CCAR1: variants seen among roughly 807,000 people sequenced by gnomAD.
CCAR1 encodes cell division cycle and apoptosis regulator protein 1.
A neutral mutation model predicts 163.8 loss-of-function variants in CCAR1; 78 were observed. The observed-to-expected ratio is 0.48, with a 90% CI of 0.40 to 0.57. The LOEUF (loss-of-function observed/expected upper bound fraction) is 0.57. Among genes scored for constraint, CCAR1 ranks in the 20% least tolerant of loss-of-function variants. The probability of loss-of-function intolerance (pLI) is 0.00; values close to 1 mark genes in which losing one functional copy is unlikely to be tolerated. For synonymous variants in CCAR1, 443 were observed against 460.7 expected (o/e 0.96, Z 0.49); for missense variants, 1,019 against 1,365.2 (o/e 0.75, Z 4.00).
chr10:68,727,633 G>A (rs890836879), intron 2 of CCAR1, among the ~76,000 whole-genome samples: 4 of 151,724 alleles, frequency 2.6e-5, no homozygotes, highest in Admixed American at 2.0e-4. Context: ...AATATTTACC[G>A]TATTTTTCCA....
At chr10:68,763,694 C>T (rs970679912) in intron 16 of CCAR1, among the ~76,000 whole-genome samples, 5 of 152,172 alleles carry the variant, frequency 3.3e-5, no homozygotes. Flanking sequence ...GTGATCTACC[C>T]ACCTTGGCCT....
chr10:68,773,746 G>A (rs1324463460), intron 19 of CCAR1, among the ~76,000 whole-genome samples: 2 of 152,022 alleles, frequency 1.3e-5, no homozygotes, highest in Non-Finnish European at 2.9e-5. Flanking sequence ...GGTTCTCACT[G>A]TATTACCCAG....
intron 19 of CCAR1, among the ~76,000 whole-genome samples, chr10:68,782,193 C>G (rs1175722532): frequency 1.3e-5 from 2 of 152,142 alleles, no homozygotes; most frequent in African/African-American, 4.8e-5. Flanking sequence ...CTCTTCAATT[C>G]TATAAAGGCT....
chr10:68,774,165 T>C (rs990832963), intron 19 of CCAR1, among the ~76,000 whole-genome samples: 4 of 152,006 alleles, frequency 2.6e-5, no homozygotes, highest in African/African-American at 9.6e-5. Context: ...GTGCTGGGAT[T>C]ACAGGCCTGA....
chr10:68,741,173 C>G (rs1436564392), intron 5 of CCAR1, among the ~76,000 whole-genome samples: 1 of 152,186 alleles, frequency 6.6e-6, no homozygotes, highest in South Asian at 2.1e-4. Context: ...CTGCCTTGGC[C>G]TCCCAAAGTG....
At chr10:68,774,752 A>G (rs943932013) in intron 19 of CCAR1, among the ~76,000 whole-genome samples, 2 of 152,210 alleles carry the variant, frequency 1.3e-5, no homozygotes, top group South Asian at 2.1e-4. Context: ...CCTAAGTTTT[A>G]TAAGACAGAC....
At chr10:68,782,392 C>T (rs1427575000) in intron 19 of CCAR1, among the ~76,000 whole-genome samples, 3 of 151,400 alleles carry the variant, frequency 2.0e-5, no homozygotes, top group Non-Finnish European at 4.4e-5. Flanking sequence ...GCCTGGTTAA[C>T]AGAGCAAGAC....
chr10:68,739,124 G>T (rs1487802057), intron 4 of CCAR1, among the ~76,000 whole-genome samples: 1 of 152,158 alleles, frequency 6.6e-6, no homozygotes, highest in African/African-American at 2.4e-5. Flanking sequence ...ATATGCTTTA[G>T]TCTAAGCATG....
chr10:68,734,260 G>C (rs2056079077), intron 2 of CCAR1, among the ~76,000 whole-genome samples: 1 of 152,000 alleles, frequency 6.6e-6, no homozygotes, highest in Admixed American at 6.6e-5. Flanking sequence ...TTATAAGGCA[G>C]CATTTTTTTT....
chr10:68,737,977 G>C, intron 4 of CCAR1, 88 bp downstream of exon 4: 1 of 883,204 alleles, frequency 1.1e-6, no homozygotes, highest in South Asian at 1.6e-5. Flanking sequence ...ATTTCTATCA[G>C]CTACCTTAAC....
Position 68,786,475 on chromosome 10 carries a change from C to T in CCAR1, c.2734-71C>T, listed in dbSNP as rs554056145. On this transcript the variant is annotated intron_variant, in intron 20 of 24. Transcript: ENST00000265872. ...TTATTGCTATCTTATGCACAGTCTC[C>T]GTTTCTCACTTTTTGGGGGTAAAAA... The T allele has an allele frequency of 1.5e-3, 1,639 of 1,064,712 alleles. 24 individuals carry two copies. In the South Asian group the frequency reaches 0.017, roughly 11 times the overall value. 66.0% of individuals were successfully genotyped at this position (1,064,712 alleles called of 1,614,324 possible).
intron 19 of CCAR1, among the ~76,000 whole-genome samples, chr10:68,773,304 T>C (rs915055125): frequency 1.1e-4 from 17 of 152,296 alleles, no homozygotes; most frequent in African/African-American, 4.1e-4. Flanking sequence ...CTATGTCTCA[T>C]ATATAATTAA....
intron 2 of CCAR1, among the ~76,000 whole-genome samples, chr10:68,725,583 A>G (rs2055931888): frequency 6.6e-6 from 1 of 152,088 alleles, no homozygotes; most frequent in Admixed American, 6.6e-5. Flanking sequence ...ACTTGAATGA[A>G]ACCAGTTGTG....
In CCAR1 at chr10:68,769,991, T is replaced by C. The variant is rs1399653266; in HGVS notation, c.2299-1215T>C. On this transcript the variant is annotated intron_variant, in intron 17 of 24. Coordinates refer to ENST00000265872, the MANE Select transcript of CCAR1 (RefSeq NM_018237.4). ...TATAGTTTTAGGTTTATGCGTATGC[T>C]ATAGCCCATTATCTGTGGATGCTTG... Among the ~76,000 whole-genome samples, 9 of 151,856 alleles carry C rather than the reference T, an allele frequency of 5.9e-5. No homozygotes were observed. In the East Asian group the frequency reaches 1.7e-3, roughly 29 times the overall value.
intron 6 of CCAR1, among the ~76,000 whole-genome samples, chr10:68,746,868 A>G (rs990985391): frequency 1.3e-5 from 2 of 152,034 alleles, no homozygotes; most frequent in Non-Finnish European, 2.9e-5. Context: ...ATGAACCACC[A>G]CACCCAGCCC....
At chr10:68,727,181 C>T (rs967968015) in intron 2 of CCAR1, among the ~76,000 whole-genome samples, 1 of 149,550 alleles carries the variant, frequency 6.7e-6, no homozygotes, top group African/African-American at 2.5e-5. Context: ...GATTCTTGTG[C>T]CTCAGCCTTT....
At chr10:68,787,816 C>G (rs1173282037) in intron 21 of CCAR1, 111 bp from the exon 22 acceptor site, 3 of 1,071,114 alleles carry the variant, frequency 2.8e-6, no homozygotes, top group Non-Finnish European at 4.0e-6. Context: ...GTTTGGGCGA[C>G]AAGAGCAAGA....
Position 68,791,204 on chromosome 10 carries a change from T to C in CCAR1, c.3394-3T>C, listed in dbSNP as rs374900889. 19 of 1,550,008 alleles carry C rather than the reference T, an allele frequency of 1.2e-5. No individual in the cohort carries two copies. The highest frequency in any genetic ancestry group is 6.9e-5 in the South Asian group (6 of 87,556). The stretch of plus-strand genomic sequence containing the variant: ...TATTTTTTCCTTCTCTATTGTCTTA[T>C]AGGATAATGTAAAGAATGAAGACAA... On this transcript the variant is annotated splice_polypyrimidine_tract_variant and splice_region_variant and intron_variant, in intron 24 of 24. Transcript: ENST00000265872.
chr10:68,784,880 CTAT>C lies in CCAR1; in HGVS notation c.2651-1251_2651-1249del, dbSNP rs920536327. Among the ~76,000 whole-genome samples, 7 of 148,592 alleles carry C rather than the reference CTAT, an allele frequency of 4.7e-5. No individual in the cohort carries two copies. In the East Asian group the frequency reaches 5.9e-4, roughly 13 times the overall value. On this transcript the variant is annotated intron_variant, in intron 19 of 24. Transcript: ENST00000265872. ...ATATGTACTTTTTTAAGGCATAATG[CTAT>C]TATTGCACACTTGATTATAGTGTGA...
Sources: gnomAD v4.1 joint callset for allele counts (sites outside exome capture counted in the v4.1 genomes callset) on GRCh38, gnomAD v4.1.1 for gene constraint, MANE v1.5 for transcripts, NCBI Gene and HGNC (gene_info 2026-07-23, HGNC 2026-07-21) for gene names.